Variants in HEMK2 observed in about 807,000 individuals in gnomAD.
HEMK2 encodes the protein methyltransferase HEMK2.
the HEMK2 span, among the ~76,000 whole-genome samples, chr21:28,832,197 C>G: frequency 6.6e-6 from 1 of 152,186 alleles, no homozygotes; most frequent in African/African-American, 2.4e-5. Context: ...GTATCCTTCC[C>G]TGGAAAGGGC....
At chr21:28,664,385 T>C in the HEMK2 span, among the ~76,000 whole-genome samples, 3 of 152,196 alleles carry the variant, frequency 2.0e-5, no homozygotes, top group Non-Finnish European at 4.4e-5. Flanking sequence ...GCTCTTATTC[T>C]AGAAAAATAA....
At chr21:28,652,940 C>G in the HEMK2 span, among the ~76,000 whole-genome samples, 1 of 152,078 alleles carries the variant, frequency 6.6e-6, no homozygotes. Flanking sequence ...AGTTACTGAC[C>G]CTTTCTGTGG....
chr21:28,594,166 A>G, the HEMK2 span, among the ~76,000 whole-genome samples: 1 of 152,214 alleles, frequency 6.6e-6, no homozygotes. Context: ...ATATCTGATC[A>G]GTACTCAAAA....
the HEMK2 span, among the ~76,000 whole-genome samples, chr21:28,722,841 G>A: frequency 1.3e-5 from 2 of 152,080 alleles, no homozygotes; most frequent in Non-Finnish European, 1.5e-5. Flanking sequence ...CCAAGGTCGC[G>A]CCATTGCACT....
chr21:28,604,389 T>C, the HEMK2 span, among the ~76,000 whole-genome samples: 469 of 152,200 alleles, frequency 3.1e-3, 3 homozygotes, highest in African/African-American at 0.011. Flanking sequence ...TGTGCACATG[T>C]ACCCTAGAAC....
At chr21:28,692,582 G>A in the HEMK2 span, among the ~76,000 whole-genome samples, 5 of 151,914 alleles carry the variant, frequency 3.3e-5, no homozygotes, top group African/African-American at 7.3e-5. Context: ...ATGATTAATA[G>A]TATATTTTAT....
chr21:28,632,557 G>T, the HEMK2 span, among the ~76,000 whole-genome samples: 2 of 152,150 alleles, frequency 1.3e-5, no homozygotes, highest in Admixed American at 1.3e-4. Flanking sequence ...CGGTTTAGTA[G>T]AAAGAAGTGT....
the HEMK2 span, among the ~76,000 whole-genome samples, chr21:28,800,630 C>T: frequency 0.082 from 12,471 of 151,916 alleles, 1,161 homozygotes; most frequent in African/African-American, 0.22. Context: ...GTGTATATAT[C>T]TGTAAATCTA....
At chr21:28,703,581 T>C in the HEMK2 span, among the ~76,000 whole-genome samples, 1 of 152,206 alleles carries the variant, frequency 6.6e-6, no homozygotes, top group Non-Finnish European at 1.5e-5. Context: ...CTAAGCATCT[T>C]TTATCTGCTC....
chr21:28,677,711 C>T, the HEMK2 span, among the ~76,000 whole-genome samples: 2 of 152,162 alleles, frequency 1.3e-5, no homozygotes, highest in South Asian at 2.1e-4. Context: ...TCCAGAGGAA[C>T]AATCAGGCAG....
the HEMK2 span, among the ~76,000 whole-genome samples, chr21:28,805,493 G>A: frequency 6.6e-6 from 1 of 152,172 alleles, no homozygotes; most frequent in East Asian, 1.9e-4. Context: ...AAACCAAAAT[G>A]TTTGGGAATT....
chr21:28,700,298 T>C, the HEMK2 span, among the ~76,000 whole-genome samples: 1 of 152,180 alleles, frequency 6.6e-6, no homozygotes, highest in South Asian at 2.1e-4. Context: ...GAAGTATTGT[T>C]CACCTCAGAA....
At chr21:28,672,633 C>T in the HEMK2 span, among the ~76,000 whole-genome samples, 2 of 152,058 alleles carry the variant, frequency 1.3e-5, no homozygotes, top group Non-Finnish European at 2.9e-5. Context: ...TACACCCCTC[C>T]TTTAAATTAA....
chr21:28,809,341 C>T, the HEMK2 span, among the ~76,000 whole-genome samples: 1 of 152,114 alleles, frequency 6.6e-6, no homozygotes, highest in East Asian at 1.9e-4. Flanking sequence ...CAGAAGGTCT[C>T]AAATGATCGG....
the HEMK2 span, among the ~76,000 whole-genome samples, chr21:28,695,611 A>G: frequency 6.6e-6 from 1 of 152,086 alleles, no homozygotes; most frequent in African/African-American, 2.4e-5. Flanking sequence ...CGCCCCCATG[A>G]TTCAATTATC....
the HEMK2 span, among the ~76,000 whole-genome samples, chr21:28,771,953 T>A: frequency 1.3e-5 from 2 of 148,442 alleles, no homozygotes; most frequent in Non-Finnish European, 3.0e-5. Context: ...ACCATTTCTA[T>A]GAGAAATCTT....
At chr21:28,673,171 G>C in the HEMK2 span, among the ~76,000 whole-genome samples, 1 of 150,706 alleles carries the variant, frequency 6.6e-6, no homozygotes, top group Non-Finnish European at 1.5e-5. Flanking sequence ...AAGGGAGGGA[G>C]AGAGGGAGGG....
chr21:28,864,805 TGAAAGACA>T, the HEMK2 span, among the ~76,000 whole-genome samples: 31,088 of 143,456 alleles, frequency 0.22, 3,914 homozygotes, highest in Non-Finnish European at 0.27. Flanking sequence ...TACCTCTCTC[TGAAAGACA>T]GACAGACAGA....
chr21:28,791,054 C>T, the HEMK2 span, among the ~76,000 whole-genome samples: 1 of 151,998 alleles, frequency 6.6e-6, no homozygotes, highest in Non-Finnish European at 1.5e-5. Flanking sequence ...ATTTGTGAGC[C>T]AGTGGTTAGA....
Sources: allele counts gnomAD v4.1 joint callset (sites outside exome capture counted in the v4.1 genomes callset), GRCh38; gene constraint gnomAD v4.1.1; transcripts MANE v1.5; gene names NCBI Gene and HGNC (gene_info 2026-07-23, HGNC 2026-07-21).